Variants in SLA observed in about 807,000 individuals in gnomAD.
SLA encodes the protein Src like adaptor, also known as src-like-adapter.
SLA carries 16 observed loss-of-function variants against 30.3 expected under a neutral mutation model. The ratio of observed to expected loss-of-function variants is 0.53; its 90% CI spans 0.36 to 0.80. The LOEUF (loss-of-function observed/expected upper bound fraction) is 0.80, where lower values mean the gene tolerates loss of function less well. Ranked by LOEUF, SLA falls within the 30% of genes least tolerant of loss-of-function variation. The pLI, the probability that SLA is intolerant of heterozygous loss-of-function variation, is 0.01. For synonymous variants in SLA, 143 were observed against 137.8 expected (o/e 1.04, Z -0.26); for missense variants, 310 against 345.2 (o/e 0.90, Z 0.81).
In SLA at chr8:133,093,129, C is replaced by T. The variant is rs566038724; in HGVS notation, c.-319+9424G>A. On this transcript the variant is annotated intron_variant, in intron 1 of 8. Transcript: ENST00000338087. The stretch of plus-strand genomic sequence containing the variant: ...AGTGTGTGTGTGTGTGTTTTCTTTT[C>T]TTTTCTTTTCTTTTTTTTTTTTAAT... Among the ~76,000 whole-genome samples, 26 of 71,384 alleles carry T rather than the reference C, an allele frequency of 3.6e-4. No homozygotes were observed. In the South Asian group the frequency reaches 8.7e-3, roughly 24 times the overall value. The allele number at this position is 71,384 out of a possible 152,430, so 46.8% of individuals were successfully genotyped here.
chr8:133,070,239 G>A (rs2131419006), intron 2 of SLA, among the ~76,000 whole-genome samples: 1 of 152,166 alleles, frequency 6.6e-6, no homozygotes, highest in Non-Finnish European at 1.5e-5. Flanking sequence ...GGACGGAGTA[G>A]GAAAAAGATG....
intron 7 of SLA, among the ~76,000 whole-genome samples, chr8:133,042,459 CT>C (rs1453835220): frequency 6.6e-6 from 1 of 152,020 alleles, no homozygotes; most frequent in African/African-American, 2.4e-5. Context: ...GCATGGTATA[CT>C]TTAGGTGCCA....
intron 2 of SLA, among the ~76,000 whole-genome samples, chr8:133,068,295 C>T (rs1843405676): frequency 6.6e-6 from 1 of 152,214 alleles, no homozygotes; most frequent in Non-Finnish European, 1.5e-5. Context: ...TGTCCAGGAG[C>T]CTGTATGCTG....
intron 7 of SLA, among the ~76,000 whole-genome samples, chr8:133,041,184 C>T (rs1187309827): frequency 1.3e-5 from 2 of 152,196 alleles, no homozygotes; most frequent in Non-Finnish European, 2.9e-5. Flanking sequence ...CACTGGCCTC[C>T]GGCAGGGCTA....
chr8:133,077,263 A>C (rs1266983324), intron 1 of SLA, among the ~76,000 whole-genome samples: 2 of 152,186 alleles, frequency 1.3e-5, no homozygotes, highest in Admixed American at 1.3e-4. Flanking sequence ...GGCAGACAAG[A>C]GAGAGGCCCA....
chr8:133,081,714 G>C (rs1008732622), intron 1 of SLA, among the ~76,000 whole-genome samples: 4 of 144,182 alleles, frequency 2.8e-5, no homozygotes, highest in South Asian at 2.1e-4. Flanking sequence ...CTCCACATCG[G>C]GGGAGATCTT....
intron 2 of SLA, among the ~76,000 whole-genome samples, chr8:133,071,314 G>T (rs1300488120): frequency 6.6e-6 from 1 of 152,212 alleles, no homozygotes; most frequent in Non-Finnish European, 1.5e-5. Context: ...GTCGGAGTTT[G>T]CCCAGCTGGA....
intron 1 of SLA, among the ~76,000 whole-genome samples, chr8:133,094,383 G>A (rs1384943150): frequency 9.9e-5 from 15 of 151,838 alleles, no homozygotes; most frequent in Admixed American, 7.9e-4. Flanking sequence ...AGGGACTACA[G>A]GCGCCCGTCA....
At chr8:133,068,414 C>T (rs1311067275) in intron 2 of SLA, among the ~76,000 whole-genome samples, 1 of 152,224 alleles carries the variant, frequency 6.6e-6, no homozygotes, top group Non-Finnish European at 1.5e-5. Flanking sequence ...TCCTAGTGTA[C>T]ATTTTAAGGT....
At chr8:133,081,125 C>T (rs561989364) in intron 1 of SLA, among the ~76,000 whole-genome samples, 3 of 152,386 alleles carry the variant, frequency 2.0e-5, no homozygotes, top group Non-Finnish European at 2.9e-5. Flanking sequence ...TACAGCCCAC[C>T]TGGTCTCCTG....
At chr8:133,071,633 C>G (rs1319953441) in intron 2 of SLA, among the ~76,000 whole-genome samples, 1 of 151,884 alleles carries the variant, frequency 6.6e-6, no homozygotes, top group Non-Finnish European at 1.5e-5. Flanking sequence ...GGATGGCATG[C>G]AGCGGGGAGA....
intron 6 of SLA, chr8:133,047,589 A>G (rs986818344): frequency 9.2e-6 from 5 of 541,028 alleles, no homozygotes; most frequent in Admixed American, 6.4e-5. Flanking sequence ...AGCAGGAGTC[A>G]TCAGGCCTGA....
Position 133,038,594 on chromosome 8 carries a change from A to G in SLA, c.761T>C (p.Ile254Thr), listed in dbSNP as rs1837527645. Residue 254 changes from isoleucine to threonine, a missense_variant, in exon 9 of 9, where the codon ATC (isoleucine) becomes ACC (threonine). By Grantham distance (89) the Ile-to-Thr change is moderately conservative (BLOSUM62 -1). Coordinates refer to ENST00000338087, the MANE Select transcript of SLA (RefSeq NM_001045556.3). ...NTSFDRKKKS[I>T]SLMYGGSKRK... The stretch of plus-strand genomic sequence containing the variant: ...CTTGCTGCCACCATACATCAGGGAG[A>G]TGCTTTTCTTCTTTCGATCAAAGGA... 3.1e-6 allele frequency: 5 copies of G among 1,614,144 alleles called. No homozygotes were observed. In the South Asian group the frequency reaches 4.4e-5, roughly 14 times the overall value.
chr8:133,076,494 T>G (rs1333435521), intron 1 of SLA, among the ~76,000 whole-genome samples: 1 of 152,188 alleles, frequency 6.6e-6, no homozygotes, highest in Non-Finnish European at 1.5e-5. Flanking sequence ...AAAGGAACTA[T>G]TGCAAAAGAC....
chr8:133,052,198 A>G (rs1840535129), intron 3 of SLA, among the ~76,000 whole-genome samples: 1 of 152,242 alleles, frequency 6.6e-6, no homozygotes. Context: ...CTAAGTCTAA[A>G]GAGAGATTAA....
chr8:133,049,187 CA>C, intron 5 of SLA: 1 of 456,136 alleles, frequency 2.2e-6, no homozygotes, highest in Non-Finnish European at 4.4e-6. Flanking sequence ...GGAACGACTA[CA>C]GGGGAAAGCA....
At chr8:133,094,313 C>T (rs1458398647) in intron 1 of SLA, among the ~76,000 whole-genome samples, 13 of 147,114 alleles carry the variant, frequency 8.8e-5, no homozygotes, top group Non-Finnish European at 1.8e-4. Context: ...CGATCTCGGT[C>T]CACTGCAAGC....
At chr8:133,092,665 G>T (rs1847750926) in intron 1 of SLA, among the ~76,000 whole-genome samples, 1 of 152,156 alleles carries the variant, frequency 6.6e-6, no homozygotes, top group African/African-American at 2.4e-5. Flanking sequence ...CACTTCATCA[G>T]GGAGTGACAC....
In SLA at chr8:133,088,242, C is replaced by G. The variant is rs188028674; in HGVS notation, c.-318-13112G>C. On this transcript the variant is annotated intron_variant, in intron 1 of 8. Coordinates refer to ENST00000338087, the MANE Select transcript of SLA (RefSeq NM_001045556.3). ...TATGGCATTCCTGTGATGGAGGAGC[C>G]AGGCTCCCCTCCTGCTCCTCCTCCT... Among the ~76,000 whole-genome samples, 594 of 150,356 alleles carry G rather than the reference C, an allele frequency of 4.0e-3. 3 individuals carry two copies. The highest frequency in any genetic ancestry group is 7.2e-3 in the Non-Finnish European group (486 of 67,094).
Sources: gnomAD v4.1 joint callset for allele counts (sites outside exome capture counted in the v4.1 genomes callset) on GRCh38, gnomAD v4.1.1 for gene constraint, MANE v1.5 for transcripts, NCBI Gene and HGNC (gene_info 2026-07-23, HGNC 2026-07-21) for gene names.